SCAPER: variants seen among roughly 807,000 people sequenced by gnomAD.
SCAPER encodes S phase cyclin A-associated protein in the endoplasmic reticulum.
A neutral mutation model predicts 182.2 loss-of-function variants in SCAPER; 98 were observed. That is an observed-to-expected ratio of 0.54 (90% CI 0.46 to 0.64). The LOEUF is 0.64. Among genes scored for constraint, SCAPER ranks in the 30% least tolerant of loss-of-function variants. The pLI is 0.00. For missense variants in SCAPER, 1,432 were observed against 1,690.0 expected, an observed-to-expected ratio of 0.85 and a Z score of 2.68; for synonymous variants, 605 against 564.6, an observed-to-expected ratio of 1.07 and a Z score of -1.01.
At chr15:76,496,954 G>A (rs2040606698) in intron 24 of SCAPER, among the ~76,000 whole-genome samples, 1 of 152,042 alleles carries the variant, frequency 6.6e-6, no homozygotes, top group Admixed American at 6.6e-5. Flanking sequence ...TAAGTAAAAA[G>A]AGCCATTTAT....
chr15:76,690,015 A>G (rs1205754588), intron 20 of SCAPER, among the ~76,000 whole-genome samples: 1 of 151,924 alleles, frequency 6.6e-6, no homozygotes, highest in Admixed American at 6.6e-5. Flanking sequence ...AATTTTATAT[A>G]GATAGTCCTC....
At chr15:76,612,819 T>G (rs1395222032) in intron 22 of SCAPER, among the ~76,000 whole-genome samples, 7 of 152,208 alleles carry the variant, frequency 4.6e-5, no homozygotes, top group Admixed American at 3.9e-4. Context: ...ATAGGAAGAC[T>G]CAATATCATT....
chr15:76,663,689 G>A (rs907558522), intron 21 of SCAPER, among the ~76,000 whole-genome samples: 2 of 152,108 alleles, frequency 1.3e-5, no homozygotes, highest in African/African-American at 4.8e-5. Flanking sequence ...ACCAGCGGTT[G>A]CCTCAGGCCA....
chr15:76,733,396 C>A lies in SCAPER; in HGVS notation c.1867-12G>T, dbSNP rs1256105713. The A allele has an allele frequency of 1.6e-5, 25 of 1,608,636 alleles. No homozygotes were observed. The highest frequency in any genetic ancestry group is 2.1e-5 in the Non-Finnish European group (25 of 1,178,132). On this transcript the variant is annotated splice_polypyrimidine_tract_variant and intron_variant, in intron 15 of 31. Coordinates refer to ENST00000563290, the MANE Select transcript of SCAPER (RefSeq NM_020843.4). ...GCAATTTCATTTACCTTTAAAAAAA[C>A]AAAGAAGGTAAGGTTCAGATCAAGT... is the stretch of plus-strand genomic sequence containing the variant.
intron 21 of SCAPER, among the ~76,000 whole-genome samples, chr15:76,631,439 T>C (rs997206789): frequency 7.9e-5 from 12 of 152,348 alleles, no homozygotes; most frequent in African/African-American, 2.6e-4. Context: ...GTTCTTTCCT[T>C]TTCATATTTA....
At chr15:76,761,954 G>A (rs1024301586) in intron 14 of SCAPER, among the ~76,000 whole-genome samples, 1 of 152,144 alleles carries the variant, frequency 6.6e-6, no homozygotes, top group African/African-American at 2.4e-5. Context: ...ATATATTTAT[G>A]TGTTAGGTTG....
chr15:76,548,940 C>T (rs2045521250), intron 23 of SCAPER, among the ~76,000 whole-genome samples: 1 of 152,174 alleles, frequency 6.6e-6, no homozygotes, highest in South Asian at 2.1e-4. Context: ...CCAAAATTGA[C>T]AAGTGGGATC....
intron 25 of SCAPER, among the ~76,000 whole-genome samples, chr15:76,450,342 C>T (rs1460941272): frequency 6.6e-6 from 1 of 152,176 alleles, no homozygotes; most frequent in East Asian, 1.9e-4. Context: ...TCTGAAAGAA[C>T]AGATACAAAA....
intron 21 of SCAPER, among the ~76,000 whole-genome samples, chr15:76,628,884 C>G (rs1385300411): frequency 1.3e-5 from 2 of 152,118 alleles, no homozygotes; most frequent in Non-Finnish European, 2.9e-5. Context: ...TTGAACAATA[C>G]TGGTTCTTCC....
chr15:76,704,709 A>C (rs560898092), intron 18 of SCAPER, among the ~76,000 whole-genome samples: 2 of 152,322 alleles, frequency 1.3e-5, no homozygotes, highest in Non-Finnish European at 2.9e-5. Flanking sequence ...GAAAAAATCA[A>C]ACAACCCCAT....
intron 29 of SCAPER, among the ~76,000 whole-genome samples, chr15:76,358,649 G>A (rs775103653): frequency 3.2e-4 from 49 of 152,160 alleles, no homozygotes; most frequent in Non-Finnish European, 5.9e-4. Context: ...TTAGGGCACT[G>A]CCCTTACAAC....
At chr15:76,588,087 A>C (rs1470739663) in intron 22 of SCAPER, among the ~76,000 whole-genome samples, 1 of 151,702 alleles carries the variant, frequency 6.6e-6, no homozygotes, top group African/African-American at 2.4e-5. Context: ...ATGCCTGGCT[A>C]ATTTTTTGTA....
intron 4 of SCAPER, among the ~76,000 whole-genome samples, chr15:76,856,622 G>T (rs948479700): frequency 1.3e-5 from 2 of 151,662 alleles, no homozygotes; most frequent in Non-Finnish European, 2.9e-5. Context: ...ATGACATCAC[G>T]ATTAGAAGCC....
chr15:76,373,923 T>C (rs78251219), intron 29 of SCAPER, among the ~76,000 whole-genome samples: 5,271 of 151,818 alleles, frequency 0.035, 282 homozygotes, highest in African/African-American at 0.12. Context: ...TTTTTCTCCT[T>C]CTCAGGAAAG....
chr15:76,475,526 T>C (rs960064516), intron 24 of SCAPER, among the ~76,000 whole-genome samples: 17 of 152,188 alleles, frequency 1.1e-4, no homozygotes, highest in Non-Finnish European at 1.6e-4. Flanking sequence ...TTGGCCAGGC[T>C]GGTCTGGAAC....
intron 22 of SCAPER, among the ~76,000 whole-genome samples, chr15:76,577,934 T>C (rs1567509705): frequency 6.6e-6 from 1 of 152,004 alleles, no homozygotes; most frequent in Non-Finnish European, 1.5e-5. Flanking sequence ...GGCTCTTGGA[T>C]GGTATTTCTG....
Position 76,629,123 on chromosome 15 carries a change from G to A in SCAPER, c.2646-7294C>T, listed in dbSNP as rs572213732. The stretch of plus-strand genomic sequence containing the variant: ...AACTTTTGCACATTGATTTTGTATC[G>A]TGAGACTTTGCTTATCAGCTTAAGA... On this transcript the variant is annotated intron_variant, in intron 21 of 31. Coordinates refer to ENST00000563290, the MANE Select transcript of SCAPER (RefSeq NM_020843.4). 3.3e-5 allele frequency among the ~76,000 whole-genome samples: 5 copies of A among 151,976 alleles called. No individual in the cohort carries two copies. In the East Asian group the frequency reaches 5.8e-4, roughly 18 times the overall value.
chr15:76,431,715 G>A (rs1177994608), intron 26 of SCAPER, among the ~76,000 whole-genome samples: 1 of 67,970 alleles, frequency 1.5e-5, no homozygotes, highest in Non-Finnish European at 2.8e-5. Context: ...TGCTTTGTTT[G>A]CTAAACTAGG....
At chr15:76,472,220 A>G (rs1167974431) in intron 24 of SCAPER, 1 of 532,474 alleles carries the variant, frequency 1.9e-6, no homozygotes. Context: ...CCAACCCTAA[A>G]AAGTCCCCTG....
Sources: gnomAD v4.1 joint callset for allele counts (sites outside exome capture counted in the v4.1 genomes callset) on GRCh38, gnomAD v4.1.1 for gene constraint, MANE v1.5 for transcripts, NCBI Gene and HGNC (gene_info 2026-07-23, HGNC 2026-07-21) for gene names.